The following RALGAPA2 variants were observed in gnomAD, a reference collection of about 807,000 sequenced individuals.
RALGAPA2 encodes the protein ral GTPase-activating protein subunit alpha-2.
In RALGAPA2, 139 loss-of-function variants were observed where a neutral mutation model predicts 230.4. The ratio of observed to expected loss-of-function variants is 0.60; its 90% confidence interval spans 0.53 to 0.69. RALGAPA2 has a LOEUF of 0.69. Ranked by LOEUF, RALGAPA2 falls within the 30% of genes least tolerant of loss-of-function variation. The pLI is 0.00. For missense variants in RALGAPA2, 2,163 were observed against 2,276.0 expected, an observed-to-expected ratio of 0.95 and a Z score of 1.01; for synonymous variants, 847 against 837.8, an observed-to-expected ratio of 1.01 and a Z score of -0.19.
chr20:20,445,707 T>G (rs1395737966), intron 37 of RALGAPA2, among the ~76,000 whole-genome samples: 1 of 152,212 alleles, frequency 6.6e-6, no homozygotes, highest in Non-Finnish European at 1.5e-5. Flanking sequence ...GTCAAACAGG[T>G]TCTTAGGAAT....
At chr20:20,702,989 G>A (rs895654520) in intron 1 of RALGAPA2, among the ~76,000 whole-genome samples, 5 of 151,912 alleles carry the variant, frequency 3.3e-5, no homozygotes, top group African/African-American at 9.7e-5. Flanking sequence ...CATAGCCAAC[G>A]TGGCAAAACC....
chr20:20,621,744 A>C (rs550395573), intron 10 of RALGAPA2, among the ~76,000 whole-genome samples: 3 of 152,204 alleles, frequency 2.0e-5, no homozygotes, highest in Non-Finnish European at 4.4e-5. Context: ...TTTAAAGGAG[A>C]AATGCATTTG....
At chr20:20,570,635 A>C (rs2064597326) in intron 23 of RALGAPA2, among the ~76,000 whole-genome samples, 1 of 152,154 alleles carries the variant, frequency 6.6e-6, no homozygotes, top group African/African-American at 2.4e-5. Context: ...CTTAGTTCTT[A>C]TCATTTTTTT....
intron 23 of RALGAPA2, among the ~76,000 whole-genome samples, chr20:20,553,319 A>G (rs1160594159): frequency 6.6e-6 from 1 of 152,176 alleles, no homozygotes; most frequent in Non-Finnish European, 1.5e-5. Flanking sequence ...TAGGAAGCCA[A>G]GGCGGGAGGA....
At chr20:20,493,649 T>C (rs1225564391) in intron 36 of RALGAPA2, among the ~76,000 whole-genome samples, 1 of 152,190 alleles carries the variant, frequency 6.6e-6, no homozygotes, top group Non-Finnish European at 1.5e-5. Context: ...AGCCAATTAA[T>C]CCATACTAAA....
chr20:20,710,451 T>G (rs138149221), intron 1 of RALGAPA2, among the ~76,000 whole-genome samples: 5 of 152,366 alleles, frequency 3.3e-5, no homozygotes, highest in Non-Finnish European at 7.3e-5. Flanking sequence ...TTAAATATTA[T>G]GACTAGAATT....
intron 1 of RALGAPA2, among the ~76,000 whole-genome samples, chr20:20,694,452 C>T (rs2069031653): frequency 6.6e-6 from 1 of 152,178 alleles, no homozygotes; most frequent in African/African-American, 2.4e-5. Context: ...ATCATATTAT[C>T]CCAGCTTGTG....
intron 38 of RALGAPA2, among the ~76,000 whole-genome samples, chr20:20,409,436 C>T (rs986062352): frequency 3.9e-5 from 6 of 152,166 alleles, no homozygotes; most frequent in South Asian, 2.1e-4. Context: ...ATTGTGCATA[C>T]GCATGTGAGC....
At chr20:20,427,433 A>G (rs116486362) in intron 37 of RALGAPA2, among the ~76,000 whole-genome samples, 294 of 152,092 alleles carry the variant, frequency 1.9e-3, no homozygotes, top group African/African-American at 6.6e-3. Context: ...AGCACAGCAC[A>G]TCAGCCCTGC....
intron 20 of RALGAPA2, among the ~76,000 whole-genome samples, chr20:20,581,114 G>T (rs186115745): frequency 1.1e-4 from 17 of 152,284 alleles, no homozygotes; most frequent in African/African-American, 3.8e-4. Context: ...GTATTTCAAA[G>T]AAGAACGGAG....
chr20:20,654,884 C>G (rs1164694990), intron 3 of RALGAPA2, among the ~76,000 whole-genome samples: 1 of 152,148 alleles, frequency 6.6e-6, no homozygotes, highest in Non-Finnish European at 1.5e-5. Flanking sequence ...ATTTCCTTTT[C>G]TCTACATCCT....
chr20:20,699,594 A>G (rs912028997), intron 1 of RALGAPA2, among the ~76,000 whole-genome samples: 2 of 152,212 alleles, frequency 1.3e-5, no homozygotes, highest in Non-Finnish European at 2.9e-5. Flanking sequence ...AAACACTATC[A>G]AAGATTTCAT....
At position 20,712,523 on chromosome 20, in the gene RALGAPA2, G is replaced by A. The variant is rs1418373658; in HGVS notation, c.-43C>T. ...GGGCCCCGCCGGCGGGGCAGTAGGCGCCTGCGCCACGCGAATCAAAGCATA... is the reference window on the plus strand; with the variant it reads ...GGGCCCCGCCGGCGGGGCAGTAGGCACCTGCGCCACGCGAATCAAAGCATA... On this transcript the variant is annotated 5_prime_UTR_variant, in exon 1 of 40. Transcript: ENST00000202677. This position sits in a 1 kb window ranked among gnomAD's most constrained non-coding sequence, Gnocchi z 5.5. 6.6e-7 allele frequency: 1 copy of A among 1,523,442 alleles called. No homozygotes were observed. The allele number at this position is 1,523,442 out of a possible 1,614,324, so 94.4% of individuals were successfully genotyped here. A position where few individuals can be genotyped will look rare whatever the true frequency, so the allele number is the denominator to read the frequency against.
chr20:20,426,069 C>T (rs1174320880), intron 37 of RALGAPA2, among the ~76,000 whole-genome samples: 1 of 152,140 alleles, frequency 6.6e-6, no homozygotes, highest in Non-Finnish European at 1.5e-5. Context: ...AGACACTGGT[C>T]CTGTGCAAAC....
chr20:20,480,588 G>A (rs975662512), intron 36 of RALGAPA2, among the ~76,000 whole-genome samples: 4 of 152,140 alleles, frequency 2.6e-5, no homozygotes, highest in African/African-American at 9.7e-5. Context: ...CTGATGGTCA[G>A]GTATTTTAGG....
In RALGAPA2 at chr20:20,583,066, A is replaced by G; in HGVS notation, c.2691T>C (p.Asp897=). Residue 897 remains aspartate (D), a synonymous_variant, in exon 20 of 40, where the codon GAT becomes GAC. Coordinates refer to ENST00000202677, the MANE Select transcript of RALGAPA2 (RefSeq NM_020343.4). ...ARHWLQLSPT[D]ASNLTDSSEC... is the part of the protein sequence containing the mutation. Reference sequence around the variant, plus strand: ...GCAATTTACCTGTTAAATTTGAAGCATCGGTGGGACTCAGTTGTAACCAAT... The same window carrying G: ...GCAATTTACCTGTTAAATTTGAAGCGTCGGTGGGACTCAGTTGTAACCAAT... 1 of 1,613,220 alleles carries G rather than the reference A, an allele frequency of 6.2e-7. No individual in the cohort carries two copies. Among genetic ancestry groups the G allele is most frequent in the South Asian group, 1.1e-5 (1 of 90,940 alleles).
chr20:20,435,529 T>C (rs941398975), intron 37 of RALGAPA2, among the ~76,000 whole-genome samples: 1 of 152,172 alleles, frequency 6.6e-6, no homozygotes, highest in Non-Finnish European at 1.5e-5. Flanking sequence ...CGGAATCATA[T>C]TATATCTGAA....
chr20:20,641,179 GA>G (rs1332910255), intron 5 of RALGAPA2, among the ~76,000 whole-genome samples: 1 of 152,100 alleles, frequency 6.6e-6, no homozygotes, highest in Non-Finnish European at 1.5e-5. Context: ...AAATAAGGAT[GA>G]TAAGACATTT....
intron 36 of RALGAPA2, among the ~76,000 whole-genome samples, chr20:20,492,331 A>G (rs1273239565): frequency 6.6e-6 from 1 of 152,196 alleles, no homozygotes; most frequent in East Asian, 1.9e-4. Flanking sequence ...CACAGGTGCT[A>G]AAAGAATGCC....
Sources: gnomAD v4.1 joint callset for allele counts (sites outside exome capture counted in the v4.1 genomes callset) on GRCh38, gnomAD v4.1.1 for gene constraint, Gnocchi (gnomAD v3.1) non-coding constraint, MANE v1.5 for transcripts, NCBI Gene and HGNC (gene_info 2026-07-23, HGNC 2026-07-21) for gene names.